Variants in RALGAPA1 observed in about 807,000 individuals in gnomAD.
RALGAPA1 encodes Ral GTPase activating protein catalytic subunit alpha 1.
Under a neutral mutation model 269.6 loss-of-function variants are expected in RALGAPA1, and 52 were observed. The observed-to-expected ratio is 0.19, with a 90% CI of 0.15 to 0.24. The LOEUF is 0.24. Among genes scored for constraint, RALGAPA1 ranks in the 10% least tolerant of loss-of-function variants. The probability of loss-of-function intolerance (pLI) is 1.00; values close to 1 mark genes in which losing one functional copy is unlikely to be tolerated. For missense variants in RALGAPA1, 1,917 were observed against 3,013.9 expected (o/e 0.64, Z 8.52); for synonymous variants, 817 against 1,008.3 (o/e 0.81, Z 3.60).
In RALGAPA1 at chr14:35,674,718, A is replaced by G. The variant is rs755617723; in HGVS notation, c.4625-9T>C. The G allele has an allele frequency of 4.7e-6, 7 of 1,481,696 alleles. No individual in the cohort carries two copies. The highest frequency in any genetic ancestry group is 6.5e-6 in the Non-Finnish European group (7 of 1,075,058). 91.8% of individuals were successfully genotyped at this position (1,481,696 alleles called of 1,614,324 possible). On this transcript the variant is annotated splice_polypyrimidine_tract_variant and intron_variant, in intron 22 of 41. Transcript: ENST00000680220. ...TGGAAATTCACTAATTTCTATAGAA[A>G]AAAATATATAGTGTCAGCCATTTTT...
At chr14:35,747,221 A>C (rs2072201465) in intron 10 of RALGAPA1, among the ~76,000 whole-genome samples, 1 of 152,206 alleles carries the variant, frequency 6.6e-6, no homozygotes, top group Non-Finnish European at 1.5e-5. Flanking sequence ...ACATGACTAT[A>C]AATGCTTCAG....
At chr14:35,686,773 C>T in intron 18 of RALGAPA1, 107 bp from the exon 19 acceptor site, 1 of 511,124 alleles carries the variant, frequency 2.0e-6, no homozygotes. Flanking sequence ...AATTATTTGC[C>T]AAACATGCAT....
At chr14:35,685,302 T>C (rs945973635) in intron 19 of RALGAPA1, among the ~76,000 whole-genome samples, 157 bp from the exon 20 acceptor site, 2 of 152,154 alleles carry the variant, frequency 1.3e-5, no homozygotes, top group Admixed American at 1.3e-4. Flanking sequence ...TGTAACTGAA[T>C]GGAGCTAGAG....
At chr14:35,715,802 G>A in intron 16 of RALGAPA1, 1 of 985,320 alleles carries the variant, frequency 1.0e-6, no homozygotes, top group South Asian at 4.7e-5. Context: ...GTCTCAGTCT[G>A]AATCCCAGAA....
At chr14:35,609,772 AC>A (rs1000334979) in intron 35 of RALGAPA1, among the ~76,000 whole-genome samples, 5 of 151,752 alleles carry the variant, frequency 3.3e-5, no homozygotes, top group Admixed American at 2.0e-4. Flanking sequence ...AAAGAAAAAA[AC>A]CAGCTGGGTG....
rs1176502418 is a variant in RALGAPA1, at chr14:35,664,875, CAA to C, written c.5203-110_5203-109del. 4 of 958,680 alleles carry C rather than the reference CAA, an allele frequency of 4.2e-6. No individual in the cohort carries two copies. The East Asian group carries it at 8.0e-5, about 19-fold the overall frequency. The allele number at this position is 958,680 out of a possible 1,614,324, so 59.4% of individuals were successfully genotyped here. A position where few individuals can be genotyped will look rare whatever the true frequency, so the allele number is the denominator to read the frequency against. Reference sequence around the variant, plus strand: ...TTAGACAGGGAAGTGATACATAAAACAAAATTTAAAAAGGAAAGGGAAAACAC... The same window carrying C: ...TTAGACAGGGAAGTGATACATAAAACAATTTAAAAAGGAAAGGGAAAACAC... On this transcript the variant is annotated intron_variant, in intron 26 of 41. Coordinates refer to ENST00000680220, the MANE Select transcript of RALGAPA1 (RefSeq NM_001346249.2).
intron 39 of RALGAPA1, among the ~76,000 whole-genome samples, chr14:35,558,907 G>A (rs565811571): frequency 1.4e-4 from 22 of 152,220 alleles, no homozygotes; most frequent in Admixed American, 7.2e-4. Flanking sequence ...AAGAAGTGAA[G>A]CCAGGGAACC....
intron 37 of RALGAPA1, among the ~76,000 whole-genome samples, chr14:35,586,462 C>G (rs1246094166): frequency 6.6e-6 from 1 of 152,254 alleles, no homozygotes; most frequent in East Asian, 1.9e-4. Context: ...GCCTGATTGC[C>G]CTGGCCAGAA....
chr14:35,616,743 T>C (rs2060277877), intron 35 of RALGAPA1, among the ~76,000 whole-genome samples: 2 of 152,172 alleles, frequency 1.3e-5, no homozygotes, highest in African/African-American at 4.8e-5. Context: ...TCAGATAAAT[T>C]AATGAGGCTG....
intron 37 of RALGAPA1, among the ~76,000 whole-genome samples, chr14:35,577,319 G>T (rs142047306): frequency 3.0e-4 from 45 of 152,062 alleles, no homozygotes; most frequent in African/African-American, 1.1e-3. Context: ...CAGTGTGTTG[G>T]TATCGGAAGG....
intron 35 of RALGAPA1, among the ~76,000 whole-genome samples, chr14:35,624,195 G>T (rs1228821478): frequency 4.6e-4 from 34 of 74,384 alleles, no homozygotes; most frequent in East Asian, 2.8e-3. Context: ...ATATCCCTAT[G>T]ATTCCAGTTC....
At chr14:35,782,601 T>G (rs2075514990) in intron 1 of RALGAPA1, among the ~76,000 whole-genome samples, 1 of 151,774 alleles carries the variant, frequency 6.6e-6, no homozygotes, top group African/African-American at 2.4e-5. Context: ...ACCCAGCTAA[T>G]TTTTGTATTT....
At chr14:35,731,916 C>T (rs988615785) in intron 12 of RALGAPA1, among the ~76,000 whole-genome samples, 2 of 152,114 alleles carry the variant, frequency 1.3e-5, no homozygotes, top group Non-Finnish European at 2.9e-5. Flanking sequence ...AAAAGATCAT[C>T]ACCTAGGCAC....
rs1422869757 is a variant in RALGAPA1 at position 35,635,730 on chromosome 14, T to A, written c.5677-132A>T. The A allele has an allele frequency of 7.4e-6, 5 of 674,838 alleles. No homozygotes were observed. The African/African-American group carries it at 9.4e-5, about 13-fold the overall frequency. The allele number at this position is 674,838 out of a possible 1,614,324, so 41.8% of individuals were successfully genotyped here. A position where few individuals can be genotyped will look rare whatever the true frequency, so the allele number is the denominator to read the frequency against. ...AACCCTAAGTTCCACTATTAATATTTACCCAGATCTAACTGATTTTAAGAT... is the reference window on the plus strand; with the variant it reads ...AACCCTAAGTTCCACTATTAATATTAACCCAGATCTAACTGATTTTAAGAT... On this transcript the variant is annotated intron_variant, in intron 31 of 41. Coordinates refer to ENST00000680220, the MANE Select transcript of RALGAPA1 (RefSeq NM_001346249.2).
intron 35 of RALGAPA1, among the ~76,000 whole-genome samples, chr14:35,607,916 A>G (rs981083172): frequency 1.3e-5 from 2 of 152,204 alleles, no homozygotes; most frequent in Admixed American, 6.5e-5. Context: ...GCTGCACCCA[A>G]TAAGGAACAA....
chr14:35,803,020 A>G (rs1487197380), intron 1 of RALGAPA1, among the ~76,000 whole-genome samples: 4 of 152,108 alleles, frequency 2.6e-5, no homozygotes, highest in Non-Finnish European at 4.4e-5. Flanking sequence ...GGAAATGTAA[A>G]GGACCTGGCA....
At position 35,590,476 on chromosome 14, in the gene RALGAPA1, C is replaced by T. The variant is rs114633250; in HGVS notation, c.7209+5158G>A. ...GATTGGATCATGGTGGCAGTTTTCC[C>T]TATGCTGTTCTAGTGGTAGTGAGTT... On this transcript the variant is annotated intron_variant, in intron 37 of 41. Transcript: ENST00000680220. Among the ~76,000 whole-genome samples the T allele has an allele frequency of 4.8e-3, 726 of 152,234 alleles. 7 individuals carry two copies. Among genetic ancestry groups the T allele is most frequent in the African/African-American group, 0.016 (672 of 41,532 alleles).
intron 38 of RALGAPA1, among the ~76,000 whole-genome samples, chr14:35,572,180 G>A (rs758298702): frequency 2.0e-5 from 3 of 151,858 alleles, no homozygotes; most frequent in African/African-American, 2.4e-5. Context: ...ATCTTAATAA[G>A]ATATATCAAC....
intron 33 of RALGAPA1, among the ~76,000 whole-genome samples, chr14:35,628,550 G>C (rs1044298224): frequency 6.6e-6 from 1 of 152,132 alleles, no homozygotes; most frequent in African/African-American, 2.4e-5. Context: ...TCCATTAATA[G>C]ATTCCAGATT....
Sources: allele counts gnomAD v4.1 joint callset (sites outside exome capture counted in the v4.1 genomes callset), GRCh38; gene constraint gnomAD v4.1.1; transcripts MANE v1.5; gene names NCBI Gene and HGNC (gene_info 2026-07-23, HGNC 2026-07-21).